Variants in SF3B3 observed in about 807,000 individuals in gnomAD.
SF3B3 encodes SAP 130.
In SF3B3, 33 loss-of-function variants were observed where a neutral mutation model predicts 139.2. The ratio of observed to expected loss-of-function variants is 0.24; its 90% CI spans 0.18 to 0.32. SF3B3 has a LOEUF of 0.32. SF3B3 is among the 10% of genes least tolerant of loss of function. The pLI, the probability that SF3B3 is intolerant of heterozygous loss-of-function variation, is 1.00. For synonymous variants in SF3B3, 596 were observed against 563.6 expected, an observed-to-expected ratio of 1.06 and a Z score of -0.81; for missense variants, 818 against 1,509.4, an observed-to-expected ratio of 0.54 and a Z score of 7.59.
At chr16:70,565,551 G>C in intron 20 of SF3B3, 27 bp downstream of exon 20, 1 of 1,598,992 alleles carries the variant, frequency 6.3e-7, no homozygotes, top group South Asian at 1.1e-5. Context: ...GGTTCTCCTA[G>C]ATTTTAAGTC....
chr16:70,530,823 A>T lies in SF3B3; in HGVS notation c.476A>T (p.Glu159Val). 6.2e-7 allele frequency: 1 copy of T among 1,614,148 alleles called. No homozygotes were observed. The highest frequency in any genetic ancestry group is 8.5e-7 in the Non-Finnish European group (1 of 1,179,994). ...CGACTTACCATTTCATCTCCCCTGG[A>T]AGCCCACAAAGCAAACACTTTAGTG... ...AARLTISSPL[E>V]AHKANTLVYH... is the part of the protein sequence containing the mutation. The change falls in exon 4 of 26, where the codon GAA (glutamate) becomes GTA (valine). Residue 159 changes from glutamate (E) to valine (V), a missense_variant. Coordinates refer to ENST00000302516, the MANE Select transcript of SF3B3 (RefSeq NM_012426.5).
intron 9 of SF3B3, among the ~76,000 whole-genome samples, chr16:70,542,226 A>G (rs1034115445): frequency 1.4e-5 from 2 of 143,906 alleles, no homozygotes; most frequent in Non-Finnish European, 3.1e-5. Context: ...TTTATGTGTT[A>G]TATCTTTTTC....
chr16:70,536,811 T>TC (rs1282211067), intron 6 of SF3B3, among the ~76,000 whole-genome samples: 6 of 140,506 alleles, frequency 4.3e-5, no homozygotes, highest in Admixed American at 6.8e-5. Flanking sequence ...TTCTTTCTTT[T>TC]TTTTTTTTTT....
At chr16:70,548,657 G>T (rs534953859) in intron 11 of SF3B3, 2 of 542,774 alleles carry the variant, frequency 3.7e-6, no homozygotes, top group Non-Finnish European at 6.6e-6. Context: ...ACATAGGTTG[G>T]CTGTTATATT....
Position 70,568,993 on chromosome 16 carries a change from G to T in SF3B3, c.3166-50G>T, listed in dbSNP as rs766307288. ...GCCAGACCTGTTGCTTGGTGACTCA[G>T]GTGAGCAGGTCCGGGCCCCAGCAGT... On this transcript the variant is annotated intron_variant, in intron 22 of 25. Transcript: ENST00000302516. 22 of 1,354,846 alleles carry T rather than the reference G, an allele frequency of 1.6e-5. 1 individual carries two copies. The South Asian group carries it at 2.8e-4, about 17-fold the overall frequency. 83.9% of individuals were successfully genotyped at this position (1,354,846 alleles called of 1,614,324 possible). A position where few individuals can be genotyped will look rare whatever the true frequency, so the allele number is the denominator to read the frequency against.
intron 7 of SF3B3, 108 bp from the exon 8 acceptor site, chr16:70,538,996 G>A (rs1266687983): frequency 9.7e-6 from 8 of 825,440 alleles, no homozygotes; most frequent in Non-Finnish European, 1.7e-5. Context: ...GTTGACCCCT[G>A]GTCAGATATG....
At chr16:70,554,314 T>C in intron 11 of SF3B3, 132 bp from the exon 12 acceptor site, 3 of 765,250 alleles carry the variant, frequency 3.9e-6, no homozygotes, top group Non-Finnish European at 6.5e-6. Context: ...CATGTGTATG[T>C]GTGTATGTGT....
chr16:70,571,684 T>C lies in SF3B3; in HGVS notation c.3525T>C (p.Asp1175=), dbSNP rs1597726288. ...TCTCCATATCTTAGAATGTGATTGA[T>C]GGAGACCTCTGTGAGCAGTTCAATT... ...SYYFPVKNVI[D]GDLCEQFNSM... Residue 1175 remains aspartate (D), a synonymous_variant, in exon 26 of 26, where the codon GAT becomes GAC. Transcript: ENST00000302516. 1 of 1,611,122 alleles carries C rather than the reference T, an allele frequency of 6.2e-7. No individual in the cohort carries two copies. Among genetic ancestry groups the C allele is most frequent in the African/African-American group, 1.3e-5 (1 of 74,572 alleles).
Position 70,574,219 on chromosome 16 carries a change from C to T in SF3B3, c.*2406C>T, listed in dbSNP as rs1224045923. 1.3e-5 allele frequency: 2 copies of T among 152,108 alleles called. No individual in the cohort carries two copies. Among genetic ancestry groups the T allele is most frequent in the African/African-American group, 2.4e-5 (1 of 41,400 alleles). 9.4% of individuals were successfully genotyped at this position (152,108 alleles called of 1,614,324 possible). A position where few individuals can be genotyped will look rare whatever the true frequency, so the allele number is the denominator to read the frequency against. ...AAAAAAATTTTATTAGAGACAGTCT[C>T]TCTCTCTTGCCTAGCTGGGAGTGCA... On this transcript the variant is annotated 3_prime_UTR_variant, in exon 26 of 26. Transcript: ENST00000302516.
intron 3 of SF3B3, 90 bp from the exon 4 acceptor site, chr16:70,530,655 A>G: frequency 2.7e-6 from 3 of 1,104,586 alleles, no homozygotes; most frequent in Non-Finnish European, 4.0e-6. Context: ...ATAATGATTA[A>G]AAGAAAAGCA....
At chr16:70,559,923 G>A (rs1265100070) in intron 15 of SF3B3, among the ~76,000 whole-genome samples, 3 of 48,584 alleles carry the variant, frequency 6.2e-5, no homozygotes, top group Admixed American at 4.5e-4. Flanking sequence ...GAGGGGTGCG[G>A]GGGGGTGGTA....
intron 6 of SF3B3, among the ~76,000 whole-genome samples, chr16:70,536,872 G>A (rs1027470081): frequency 1.4e-5 from 2 of 147,972 alleles, no homozygotes; most frequent in African/African-American, 2.5e-5. Flanking sequence ...GTGCAGTGGC[G>A]CAATCTTGGC....
chr16:70,551,038 T>A (rs1192167699), intron 11 of SF3B3, among the ~76,000 whole-genome samples: 1 of 152,212 alleles, frequency 6.6e-6, no homozygotes, highest in Non-Finnish European at 1.5e-5. Flanking sequence ...ATTCAGGACT[T>A]GCTGAAGCAA....
chr16:70,561,968 C>T (rs1191410375), intron 17 of SF3B3, among the ~76,000 whole-genome samples, 184 bp downstream of exon 17: 1 of 152,176 alleles, frequency 6.6e-6, no homozygotes, highest in African/African-American at 2.4e-5. Flanking sequence ...AGCCAAGTTT[C>T]GGTGTTTTAG....
chr16:70,536,800 T>C (rs2151779439), intron 6 of SF3B3, among the ~76,000 whole-genome samples: 1 of 140,984 alleles, frequency 7.1e-6, no homozygotes, highest in East Asian at 2.1e-4. Flanking sequence ...CTGGGCTAAT[T>C]TTCTTTCTTT....
At chr16:70,562,096 A>C (rs2151792156) in intron 17 of SF3B3, among the ~76,000 whole-genome samples, 1 of 152,342 alleles carries the variant, frequency 6.6e-6, no homozygotes, top group East Asian at 1.9e-4. Flanking sequence ...CAAGTATTGG[A>C]TCACTGCATT....
intron 21 of SF3B3, 87 bp from the exon 22 acceptor site, chr16:70,568,196 A>G: frequency 1.0e-6 from 1 of 998,688 alleles, no homozygotes; most frequent in Non-Finnish European, 1.6e-6. Context: ...TGCTGACCCT[A>G]CGTATGTCAT....
At chr16:70,536,456 C>T (rs1417888990) in intron 6 of SF3B3, among the ~76,000 whole-genome samples, 3 of 152,088 alleles carry the variant, frequency 2.0e-5, no homozygotes, top group East Asian at 3.8e-4. Flanking sequence ...CTCCGCCTCC[C>T]GGGTTCACGC....
At chr16:70,564,955 G>C (rs2050461649) in intron 18 of SF3B3, 110 bp from the exon 19 acceptor site, 2 of 940,250 alleles carry the variant, frequency 2.1e-6, no homozygotes, top group Non-Finnish European at 3.4e-6. Context: ...GGCTGACTTT[G>C]CTGCTTTATG....
Sources: gnomAD v4.1 joint callset for allele counts (sites outside exome capture counted in the v4.1 genomes callset) on GRCh38, gnomAD v4.1.1 for gene constraint, MANE v1.5 for transcripts, NCBI Gene and HGNC (gene_info 2026-07-23, HGNC 2026-07-21) for gene names.